Variants in KHDRBS3 observed in about 807,000 individuals in gnomAD.
KHDRBS3 encodes KH domain-containing, RNA-binding, signal transduction-associated protein 3.
In KHDRBS3, 23 loss-of-function variants were observed where a neutral mutation model predicts 45.6. The ratio of observed to expected loss-of-function variants is 0.50; its 90% CI spans 0.36 to 0.72. The LOEUF (loss-of-function observed/expected upper bound fraction) is 0.72, where lower values mean the gene tolerates loss of function less well. Among genes scored for constraint, KHDRBS3 ranks in the 30% least tolerant of loss-of-function variants. The probability of loss-of-function intolerance (pLI) is 0.00; values close to 1 mark genes in which losing one functional copy is unlikely to be tolerated. For synonymous variants in KHDRBS3, 162 were observed against 156.5 expected (o/e 1.04, Z -0.26); for missense variants, 352 against 424.8 (o/e 0.83, Z 1.51).
chr8:135,650,346 G>T (rs912102438), downstream of KHDRBS3, among the ~76,000 whole-genome samples: 6 of 152,096 alleles, frequency 3.9e-5, no homozygotes, highest in Non-Finnish European at 8.8e-5. Flanking sequence ...GTTAAATCAG[G>T]CTGTGATCCT....
chr8:135,462,594 C>A (rs979240106), intron 1 of KHDRBS3, among the ~76,000 whole-genome samples: 1 of 152,098 alleles, frequency 6.6e-6, no homozygotes, highest in African/African-American at 2.4e-5. Context: ...AATAAATCAG[C>A]TTGTGGACAT....
At chr8:135,590,336 A>C (rs1419766983) in intron 6 of KHDRBS3, among the ~76,000 whole-genome samples, 1 of 152,206 alleles carries the variant, frequency 6.6e-6, no homozygotes, top group African/African-American at 2.4e-5. Flanking sequence ...ATGTGGCTGT[A>C]CTTGGTTTCT....
chr8:135,484,649 ATTACACAT>A (rs1286024785), intron 1 of KHDRBS3, among the ~76,000 whole-genome samples: 2 of 152,232 alleles, frequency 1.3e-5, no homozygotes, highest in Non-Finnish European at 2.9e-5. Context: ...ATGTTTGCTC[ATTACACAT>A]ATGTGACTCC....
chr8:135,620,846 G>T (rs373426229), intron 7 of KHDRBS3, among the ~76,000 whole-genome samples: 1 of 152,064 alleles, frequency 6.6e-6, no homozygotes, highest in South Asian at 2.1e-4. Flanking sequence ...GTCCTCCAGC[G>T]GAACCTGCTG....
At chr8:135,627,619 T>C (rs1830428949) in intron 7 of KHDRBS3, among the ~76,000 whole-genome samples, 1 of 152,200 alleles carries the variant, frequency 6.6e-6, no homozygotes, top group South Asian at 2.1e-4. Context: ...TACTGAGATA[T>C]AATGTACATA....
At chr8:135,626,768 C>T (rs891187628) in intron 7 of KHDRBS3, among the ~76,000 whole-genome samples, 2 of 138,526 alleles carry the variant, frequency 1.4e-5, no homozygotes, top group African/African-American at 5.2e-5. Flanking sequence ...TGCGCCACCG[C>T]ACTCCAACCT....
Position 135,457,928 on chromosome 8 carries a change from C to A in KHDRBS3, c.62C>A (p.Thr21Lys). ...AAGGACTCCCTGGACCCCTCCTTCA[C>A]GCACGCCCTGCGCCTGGTGAACCAA... ...AEKDSLDPSF[T>K]HALRLVNQEI... The change falls in exon 1 of 9, where the codon ACG becomes AAG. Residue 21 changes from threonine (T) to lysine (K), a missense_variant. Physicochemically the swap from Thr to Lys is moderately conservative, Grantham distance 78. Transcript: ENST00000355849. The surrounding 1 kb of genome is among the most constrained non-coding windows in gnomAD (Gnocchi z 4.4). The A allele has an allele frequency of 6.2e-7, 1 of 1,602,206 alleles. No individual in the cohort carries two copies.
At chr8:135,528,239 G>A (rs1825291078) in intron 2 of KHDRBS3, among the ~76,000 whole-genome samples, 1 of 152,156 alleles carries the variant, frequency 6.6e-6, no homozygotes, top group Admixed American at 6.5e-5. Context: ...TAAATGGTTA[G>A]GTCAAGGATC....
intron 7 of KHDRBS3, among the ~76,000 whole-genome samples, chr8:135,638,941 CAG>C (rs1830935054): frequency 7.4e-6 from 1 of 135,724 alleles, no homozygotes; most frequent in Non-Finnish European, 1.5e-5. Context: ...AGCCTGGAAA[CAG>C]AGCGAGAGAG....
At chr8:135,463,894 G>T (rs946742962) in intron 1 of KHDRBS3, among the ~76,000 whole-genome samples, 2 of 152,312 alleles carry the variant, frequency 1.3e-5, no homozygotes, top group Middle Eastern at 3.4e-3. Flanking sequence ...TGGGGATGAT[G>T]ATTATAAAAG....
At chr8:135,537,965 C>T (rs962866553) in intron 2 of KHDRBS3, among the ~76,000 whole-genome samples, 3 of 152,142 alleles carry the variant, frequency 2.0e-5, no homozygotes, top group Admixed American at 1.3e-4. Flanking sequence ...AAGGTGACTG[C>T]AAGACCACAG....
chr8:135,585,072 T>G (rs1398117670), intron 6 of KHDRBS3, among the ~76,000 whole-genome samples: 1 of 135,204 alleles, frequency 7.4e-6, no homozygotes, highest in Non-Finnish European at 1.6e-5. Flanking sequence ...AAAAAAAAAA[T>G]ACAAAAATTA....
intron 1 of KHDRBS3, among the ~76,000 whole-genome samples, chr8:135,483,036 A>G (rs534854787): frequency 3.9e-5 from 6 of 152,226 alleles, no homozygotes; most frequent in African/African-American, 1.2e-4. Context: ...CCTGGAGACA[A>G]TATCATTATT....
chr8:135,568,389 T>G lies in KHDRBS3; in HGVS notation c.611+10802T>G, dbSNP rs551741674. Among the ~76,000 whole-genome samples, 305 of 152,180 alleles carry G rather than the reference T, an allele frequency of 2.0e-3. 3 individuals carry two copies. Among genetic ancestry groups the G allele is most frequent in the African/African-American group, 6.9e-3 (286 of 41,520 alleles). ...TTCAGAGATGCTTATTCATGTACCC[T>G]CCTTTCCCCTAAATTCCACTAAATG... On this transcript the variant is annotated intron_variant, in intron 5 of 8. Coordinates refer to ENST00000355849, the MANE Select transcript of KHDRBS3 (RefSeq NM_006558.3).
At chr8:135,472,067 A>G (rs1822045567) in intron 1 of KHDRBS3, among the ~76,000 whole-genome samples, 3 of 152,326 alleles carry the variant, frequency 2.0e-5, no homozygotes, top group South Asian at 4.1e-4. Flanking sequence ...GATGACAGCA[A>G]TGAATTCATT....
chr8:135,623,200 G>GA (rs1224605057), intron 7 of KHDRBS3, among the ~76,000 whole-genome samples: 1 of 152,156 alleles, frequency 6.6e-6, no homozygotes, highest in Non-Finnish European at 1.5e-5. Flanking sequence ...TCCTTTGCCA[G>GA]AAAAAAATAA....
chr8:135,487,470 T>G (rs914261197), intron 1 of KHDRBS3, among the ~76,000 whole-genome samples: 1 of 152,196 alleles, frequency 6.6e-6, no homozygotes, highest in African/African-American at 2.4e-5. Context: ...ATAAAGATGA[T>G]ATTCTGCTTT....
At chr8:135,519,491 G>A (rs571926923) in intron 1 of KHDRBS3, among the ~76,000 whole-genome samples, 1 of 152,276 alleles carries the variant, frequency 6.6e-6, no homozygotes, top group South Asian at 2.1e-4. Context: ...ATGACTCACA[G>A]AACTCAGGAA....
In KHDRBS3 at chr8:135,556,060, T is replaced by C. The variant is rs954475663; in HGVS notation, c.472-1388T>C. Among the ~76,000 whole-genome samples, 8 of 152,344 alleles carry C rather than the reference T, an allele frequency of 5.3e-5. No individual in the cohort carries two copies. In the East Asian group the frequency reaches 7.7e-4, roughly 15 times the overall value. Reference sequence around the variant, plus strand: ...TTCATCCCTGTCCCTACAAAGGACATGAACCCATCCTTTTTTATGGCTGCA... The same window carrying C: ...TTCATCCCTGTCCCTACAAAGGACACGAACCCATCCTTTTTTATGGCTGCA... On this transcript the variant is annotated intron_variant, in intron 4 of 8. Coordinates refer to ENST00000355849, the MANE Select transcript of KHDRBS3 (RefSeq NM_006558.3).
Sources: allele counts gnomAD v4.1 joint callset (sites outside exome capture counted in the v4.1 genomes callset), GRCh38; gene constraint gnomAD v4.1.1; non-coding constraint Gnocchi (gnomAD v3.1); transcripts MANE v1.5; gene names NCBI Gene and HGNC (gene_info 2026-07-23, HGNC 2026-07-21).